The following EML4 variants were observed in gnomAD, a reference collection of about 807,000 sequenced individuals.
EML4 encodes the protein EMAP like 4, also known as echinoderm microtubule-associated protein-like 4.
A neutral mutation model predicts 129.0 loss-of-function variants in EML4; 72 were observed. The ratio of observed to expected loss-of-function variants is 0.56; its 90% CI spans 0.46 to 0.68. The LOEUF is 0.68. Ranked by LOEUF, EML4 falls within the 30% of genes least tolerant of loss-of-function variation. The pLI, the probability that EML4 is intolerant of heterozygous loss-of-function variation, is 0.00. For missense variants in EML4, 1,363 were observed against 1,190.6 expected, an observed-to-expected ratio of 1.14 and a Z score of -2.13; for synonymous variants, 532 against 405.0, an observed-to-expected ratio of 1.31 and a Z score of -3.77.
intron 21 of EML4, 33 bp from the exon 22 acceptor site, chr2:42,328,853 A>AT: frequency 1.3e-6 from 2 of 1,554,400 alleles, no homozygotes. Context: ...TCTTCAGCTA[A>AT]TTTTTCTGCA....
At chr2:42,220,267 A>G (rs1480305938) in intron 1 of EML4, among the ~76,000 whole-genome samples, 1 of 143,910 alleles carries the variant, frequency 6.9e-6, no homozygotes, top group Non-Finnish European at 1.5e-5. Flanking sequence ...TACAAATTGA[A>G]GGTTTTTGGC....
At chr2:42,302,593 G>T (rs1558592082) in intron 14 of EML4, among the ~76,000 whole-genome samples, 1 of 151,472 alleles carries the variant, frequency 6.6e-6, no homozygotes, top group Admixed American at 6.6e-5. Flanking sequence ...GAATACAGTG[G>T]CCCAGTCTTG....
intron 7 of EML4, among the ~76,000 whole-genome samples, 186 bp from the exon 8 acceptor site, chr2:42,282,637 C>G (rs1572684750): frequency 6.6e-6 from 1 of 152,232 alleles, no homozygotes; most frequent in East Asian, 1.9e-4. Context: ...AAGTGATCCT[C>G]CCACCTTGGC....
chr2:42,266,650 CT>C (rs35088865), intron 6 of EML4, among the ~76,000 whole-genome samples: 69,204 of 145,450 alleles, frequency 0.48, 16,425 homozygotes, highest in East Asian at 0.74. Context: ...GGTCCGAAAA[CT>C]TTTTTTTTTT....
chr2:42,247,485 T>A (rs1233738307), intron 2 of EML4, among the ~76,000 whole-genome samples: 1 of 152,130 alleles, frequency 6.6e-6, no homozygotes, highest in African/African-American at 2.4e-5. Flanking sequence ...TGGCCTCATG[T>A]ACTCTGGGTC....
rs10530482 is a variant in EML4, at chr2:42,325,602, T to TTATATATATATATATATATA, written c.2242+66_2242+85dup. The TTATATATATATATATATATA allele has an allele frequency of 3.0e-3, 385 of 129,012 alleles. 11 individuals are homozygous for TTATATATATATATATATATA. The highest frequency in any genetic ancestry group is 4.2e-3 in the Non-Finnish European group (261 of 61,810). 8.0% of individuals were successfully genotyped at this position (129,012 alleles called of 1,614,324 possible). A position where few individuals can be genotyped will look rare whatever the true frequency, so the allele number is the denominator to read the frequency against. On this transcript the variant is annotated intron_variant, in intron 20 of 22. Coordinates refer to ENST00000318522, the MANE Select transcript of EML4 (RefSeq NM_019063.5). ...ATATATATATATGCTATGATTATAT[T>TTATATATATATATATATATA]TATATATATATATATATATATATAT...
chr2:42,191,200 A>C, intron 1 of EML4, among the ~76,000 whole-genome samples: 1 of 152,156 alleles, frequency 6.6e-6, no homozygotes, highest in Non-Finnish European at 1.5e-5. Context: ...AACCATGGGA[A>C]GTGTGTGTCA....
intron 6 of EML4, among the ~76,000 whole-genome samples, chr2:42,276,888 A>G (rs958758687): frequency 6.6e-6 from 1 of 152,222 alleles, no homozygotes; most frequent in East Asian, 1.9e-4. Context: ...ATTTATAGAT[A>G]GTGAAAGCAT....
intron 6 of EML4, among the ~76,000 whole-genome samples, chr2:42,266,937 G>A (rs1666096732): frequency 6.6e-6 from 1 of 152,200 alleles, no homozygotes; most frequent in Non-Finnish European, 1.5e-5. Flanking sequence ...TGGAAAAGGA[G>A]TTTGGCTTTG....
chr2:42,326,165 A>C lies in EML4; in HGVS notation c.2254A>C (p.Asn752His). The C allele has an allele frequency of 3.7e-6, 6 of 1,613,702 alleles. No homozygotes were observed. Among genetic ancestry groups the C allele is most frequent in the Non-Finnish European group, 5.1e-6 (6 of 1,179,804 alleles). Residue 752 changes from asparagine to histidine, a missense_variant, in exon 21 of 23, where the codon AAT becomes CAT. Coordinates refer to ENST00000318522, the MANE Select transcript of EML4 (RefSeq NM_019063.5). ...TTCTAAATTTAAAGGGGACATTCCA[A>C]ATGGCTGCAAACTAATCAGGAATCG... ...DYEILYWDIP[N>H]GCKLIRNRSD...
In EML4 at chr2:42,302,594, C is replaced by A. The variant is rs981375639; in HGVS notation, c.1642-510C>A. Among the ~76,000 whole-genome samples, 2 of 150,972 alleles carry A rather than the reference C, an allele frequency of 1.3e-5. 1 individual carries two copies. Among genetic ancestry groups the A allele is most frequent in the Admixed American group, 1.3e-4 (2 of 15,156 alleles). ...TGTCGCCCAGGCTGGAATACAGTGG[C>A]CCAGTCTTGGCTAACTGCAACCTCT... On this transcript the variant is annotated intron_variant, in intron 14 of 22. Transcript: ENST00000318522.
chr2:42,194,780 G>T (rs1025793916), intron 1 of EML4, among the ~76,000 whole-genome samples: 1 of 151,956 alleles, frequency 6.6e-6, no homozygotes, highest in Admixed American at 6.6e-5. Context: ...TAAAGTGCTG[G>T]GATTACAGGA....
chr2:42,234,906 C>T (rs1674562683), intron 1 of EML4, among the ~76,000 whole-genome samples: 1 of 152,206 alleles, frequency 6.6e-6, no homozygotes, highest in Admixed American at 6.5e-5. Context: ...CTTGTAATCC[C>T]AACACTTTGG....
At chr2:42,206,141 C>T (rs1313363777) in intron 1 of EML4, among the ~76,000 whole-genome samples, 1 of 152,208 alleles carries the variant, frequency 6.6e-6, no homozygotes, top group Non-Finnish European at 1.5e-5. Context: ...TCAAGTTTCA[C>T]AAATTTGTTC....
At position 42,169,626 on chromosome 2, in the gene EML4, C is replaced by A; in HGVS notation, c.15C>A (p.Ala5=). 1.2e-6 allele frequency: 2 copies of A among 1,601,908 alleles called. No individual in the cohort carries two copies. The highest frequency in any genetic ancestry group is 1.7e-6 in the Non-Finnish European group (2 of 1,174,778). Residue 5 remains alanine (A), a synonymous_variant, in exon 1 of 23, where the codon GCC becomes GCA. Coordinates refer to ENST00000318522, the MANE Select transcript of EML4 (RefSeq NM_019063.5). The part of the protein sequence containing the change: MDGF[A]GSLDDSISAA... ...TTCCCCGCAAGATGGACGGTTTCGC[C>A]GGCAGTCTCGGTGAGTACGGCTGGG...
At chr2:42,277,570 CTTT>C (rs869297928) in intron 6 of EML4, among the ~76,000 whole-genome samples, 3 of 136,570 alleles carry the variant, frequency 2.2e-5, no homozygotes, top group Non-Finnish European at 1.6e-5. Context: ...CAAGCACAAC[CTTT>C]TTTTTTTTTT....
At chr2:42,321,595 C>T (rs948987476) in intron 19 of EML4, among the ~76,000 whole-genome samples, 1 of 152,068 alleles carries the variant, frequency 6.6e-6, no homozygotes, top group Non-Finnish European at 1.5e-5. Context: ...AAAGAGCACT[C>T]CTTCCACTAA....
At chr2:42,182,542 C>T (rs1163295674) in intron 1 of EML4, among the ~76,000 whole-genome samples, 9 of 152,112 alleles carry the variant, frequency 5.9e-5, no homozygotes, top group Admixed American at 5.9e-4. Context: ...CACTGGCTGC[C>T]TTGATAGCTT....
At chr2:42,199,528 A>G (rs890216178) in intron 1 of EML4, among the ~76,000 whole-genome samples, 2 of 152,176 alleles carry the variant, frequency 1.3e-5, no homozygotes, top group African/African-American at 4.8e-5. Flanking sequence ...TAGAAAGAAG[A>G]CAGGACAATG....
Sources: allele counts gnomAD v4.1 joint callset (sites outside exome capture counted in the v4.1 genomes callset), GRCh38; gene constraint gnomAD v4.1.1; transcripts MANE v1.5; gene names NCBI Gene and HGNC (gene_info 2026-07-23, HGNC 2026-07-21).